The following MTMR7 variants were observed in gnomAD, a reference collection of about 807,000 sequenced individuals.
The protein encoded by MTMR7 is phosphatidylinositol-3-phosphate phosphatase MTMR7.
MTMR7 carries 76 observed loss-of-function variants against 81.2 expected under a neutral mutation model. The observed-to-expected ratio is 0.94, with a 90% CI of 0.78 to 1.13. The LOEUF (loss-of-function observed/expected upper bound fraction) is 1.13, where lower values mean the gene tolerates loss of function less well. MTMR7 is among the 50% of genes most tolerant of loss of function. The pLI is 0.00. For synonymous variants in MTMR7, 372 were observed against 289.8 expected, an observed-to-expected ratio of 1.28 and a Z score of -2.88; for missense variants, 1,044 against 820.0, an observed-to-expected ratio of 1.27 and a Z score of -3.34.
At chr8:17,307,671 T>C (rs1206832254) in intron 10 of MTMR7, among the ~76,000 whole-genome samples, 1 of 152,052 alleles carries the variant, frequency 6.6e-6, no homozygotes, top group Non-Finnish European at 1.5e-5. Flanking sequence ...ATTAAGAAAA[T>C]GTGGCACATA....
intron 12 of MTMR7, among the ~76,000 whole-genome samples, chr8:17,302,691 G>T: frequency 1.0e-5 from 1 of 95,456 alleles, no homozygotes; most frequent in African/African-American, 3.6e-5. Context: ...GTTGACATTT[G>T]CATTGGCAAT....
At chr8:17,412,013 G>C (rs998561747) in intron 1 of MTMR7, among the ~76,000 whole-genome samples, 2 of 152,198 alleles carry the variant, frequency 1.3e-5, no homozygotes, top group African/African-American at 4.8e-5. Flanking sequence ...AACTCTGAAA[G>C]CTTTGAGCCA....
intron 7 of MTMR7, among the ~76,000 whole-genome samples, chr8:17,315,059 G>A (rs1027719512): frequency 6.6e-6 from 1 of 152,202 alleles, no homozygotes; most frequent in Non-Finnish European, 1.5e-5. Flanking sequence ...GCCGTGGGCT[G>A]AGAGTTCCCA....
chr8:17,331,469 A>T (rs1563339478), intron 6 of MTMR7, among the ~76,000 whole-genome samples, 187 bp from the exon 7 acceptor site: 2 of 152,214 alleles, frequency 1.3e-5, no homozygotes, highest in Admixed American at 1.3e-4. Flanking sequence ...CTGAGCTTAT[A>T]TTCAACAGCA....
At chr8:17,413,200 G>C in intron 1 of MTMR7, 69 bp downstream of exon 1, 1 of 1,514,748 alleles carries the variant, frequency 6.6e-7, no homozygotes, top group Non-Finnish European at 9.0e-7. Flanking sequence ...CCTCCCGCGC[G>C]CTCAGCATCC....
intron 10 of MTMR7, among the ~76,000 whole-genome samples, chr8:17,308,136 T>C (rs1817581530): frequency 6.6e-6 from 1 of 152,062 alleles, no homozygotes. Context: ...TAGTCTTTTA[T>C]GGCTTCAGAA....
At chr8:17,360,153 T>G (rs1283193521) in intron 4 of MTMR7, among the ~76,000 whole-genome samples, 1 of 152,142 alleles carries the variant, frequency 6.6e-6, no homozygotes, top group Non-Finnish European at 1.5e-5. Flanking sequence ...AATATGTATG[T>G]GAAGAAAAGC....
chr8:17,406,536 G>A (rs902002419), intron 1 of MTMR7, among the ~76,000 whole-genome samples: 1 of 152,136 alleles, frequency 6.6e-6, no homozygotes, highest in African/African-American at 2.4e-5. Flanking sequence ...ATTATTGTCG[G>A]GGTTCTGAAA....
At chr8:17,304,982 C>G (rs1817359496) in intron 11 of MTMR7, among the ~76,000 whole-genome samples, 2 of 152,104 alleles carry the variant, frequency 1.3e-5, no homozygotes, top group South Asian at 4.1e-4. Flanking sequence ...AAGCCATATT[C>G]AGACCCAAGC....
intron 8 of MTMR7, among the ~76,000 whole-genome samples, chr8:17,312,794 G>T (rs1413247058): frequency 6.6e-6 from 1 of 151,932 alleles, no homozygotes; most frequent in Non-Finnish European, 1.5e-5. Context: ...ATAAATCCAA[G>T]GTATTTATTT....
intron 1 of MTMR7, among the ~76,000 whole-genome samples, chr8:17,399,954 C>T (rs2150582994): frequency 6.6e-6 from 1 of 150,494 alleles, no homozygotes; most frequent in East Asian, 1.9e-4. Context: ...GATTAAATTT[C>T]TCAGGTATCT....
chr8:17,405,132 G>C (rs181351130), intron 1 of MTMR7, among the ~76,000 whole-genome samples: 1 of 152,244 alleles, frequency 6.6e-6, no homozygotes, highest in South Asian at 2.1e-4. Flanking sequence ...GATTACAGGC[G>C]TGAGCCACTG....
At chr8:17,380,605 T>G (rs1326186700) in intron 1 of MTMR7, among the ~76,000 whole-genome samples, 2 of 150,266 alleles carry the variant, frequency 1.3e-5, no homozygotes, top group African/African-American at 4.9e-5. Flanking sequence ...ATAATTTTCA[T>G]GATATCCACC....
intron 4 of MTMR7, among the ~76,000 whole-genome samples, chr8:17,356,563 C>T (rs1243124228): frequency 2.0e-5 from 3 of 151,680 alleles, no homozygotes; most frequent in African/African-American, 7.3e-5. Context: ...ATAATACAAA[C>T]ATTATCTGGT....
rs780591469 is a variant in MTMR7, at chr8:17,361,193, T to C, written c.392A>G (p.Asp131Gly). ...EEREQGWVLIDLSEEYTRMGL... is the reference protein window; with the variant it reads ...EEREQGWVLIGLSEEYTRMGL... ...CATCCGCGTGTATTCTTCACTAAGA[T>C]CGATCAGCACCCAGCCTTGCTCTCT... The change falls in exon 4 of 14, where the codon GAT becomes GGT. Residue 131 changes from aspartate (D) to glycine (G), a missense_variant. Coordinates refer to ENST00000180173, the MANE Select transcript of MTMR7 (RefSeq NM_004686.5). 1 of 1,614,182 alleles carries C rather than the reference T, an allele frequency of 6.2e-7. No individual in the cohort carries two copies. The highest frequency in any genetic ancestry group is 2.2e-5 in the East Asian group (1 of 44,882).
chr8:17,318,271 A>G (rs28622565), intron 7 of MTMR7, among the ~76,000 whole-genome samples: 2 of 152,130 alleles, frequency 1.3e-5, no homozygotes, highest in African/African-American at 4.8e-5. Flanking sequence ...TCTCACAGAC[A>G]CCCAGCAGAC....
Position 17,298,741 on chromosome 8 carries a change from T to C in MTMR7, c.*1121A>G, listed in dbSNP as rs1378862309. ...GGCCACTTTTCCCCACTAAGTTTAA[T>C]TTAGGTCACCTAGTGAAGTCTTTTT... On this transcript the variant is annotated 3_prime_UTR_variant, in exon 14 of 14. Coordinates refer to ENST00000180173, the MANE Select transcript of MTMR7 (RefSeq NM_004686.5). 8.5e-5 allele frequency: 13 copies of C among 152,580 alleles called. No homozygotes were observed. The highest frequency in any genetic ancestry group is 1.5e-4 in the Non-Finnish European group (10 of 67,994). 9.5% of individuals were successfully genotyped at this position (152,580 alleles called of 1,614,324 possible). A position where few individuals can be genotyped will look rare whatever the true frequency, so the allele number is the denominator to read the frequency against.
intron 1 of MTMR7, among the ~76,000 whole-genome samples, chr8:17,376,674 T>C (rs901609784): frequency 1.3e-5 from 2 of 152,200 alleles, no homozygotes; most frequent in African/African-American, 4.8e-5. Flanking sequence ...ACTTCCCTGA[T>C]AGCTAACAAT....
rs779063183 is a variant in MTMR7 at position 17,331,347 on chromosome 8, A to G, written c.733-65T>C. On this transcript the variant is annotated intron_variant, in intron 6 of 13. Coordinates refer to ENST00000180173, the MANE Select transcript of MTMR7 (RefSeq NM_004686.5). ...TGATGAAACAATGATGAAACAACCAAAACATTTCATGGATACCCAATCAAA... is the reference window on the plus strand; with the variant it reads ...TGATGAAACAATGATGAAACAACCAGAACATTTCATGGATACCCAATCAAA... 824 of 1,490,140 alleles carry G rather than the reference A, an allele frequency of 5.5e-4. 1 individual carries two copies. The highest frequency in any genetic ancestry group is 6.8e-4 in the Non-Finnish European group (760 of 1,116,598). 92.3% of individuals were successfully genotyped at this position (1,490,140 alleles called of 1,614,324 possible). A position where few individuals can be genotyped will look rare whatever the true frequency, so the allele number is the denominator to read the frequency against.
Sources: allele counts gnomAD v4.1 joint callset (sites outside exome capture counted in the v4.1 genomes callset), GRCh38; gene constraint gnomAD v4.1.1; transcripts MANE v1.5; gene names NCBI Gene and HGNC (gene_info 2026-07-23, HGNC 2026-07-21).